The following ZRSR2 variants were observed in gnomAD, a reference collection of about 807,000 sequenced individuals.
The protein encoded by ZRSR2 is U2 small nuclear ribonucleoprotein auxiliary factor 35 kDa subunit-related protein 2.
Under a neutral mutation model 39.4 loss-of-function variants are expected in ZRSR2, and 3 were observed. The ratio of observed to expected loss-of-function variants is 0.08; its 90% confidence interval spans 0.03 to 0.20. The LOEUF is 0.20. Ranked by LOEUF, ZRSR2 falls within the 10% of genes least tolerant of loss-of-function variation. ZRSR2 has a pLI of 1.00. For synonymous variants in ZRSR2, 137 were observed against 136.0 expected (o/e 1.01, Z -0.05); for missense variants, 256 against 391.5 (o/e 0.65, Z 2.92).
chrX:15,795,799 T>G (rs979799449), intron 2 of ZRSR2, among the ~76,000 whole-genome samples: 5 of 111,534 alleles, frequency 4.5e-5, no homozygotes, highest in Non-Finnish European at 9.4e-5. Flanking sequence ...TGTGGTGTTT[T>G]TCTAGAATAG....
At chrX:15,806,390 C>G (rs111709560) in intron 5 of ZRSR2, among the ~76,000 whole-genome samples, 3,393 of 111,040 alleles carry the variant, frequency 0.031, 126 homozygotes, top group African/African-American at 0.1. Context: ...ATGACTCTGT[C>G]TCATTTATAT....
At chrX:15,799,134 C>A (rs1932577114) in intron 2 of ZRSR2, among the ~76,000 whole-genome samples, 1 of 104,711 alleles carries the variant, frequency 9.6e-6, no homozygotes, top group South Asian at 4.4e-4. Context: ...TGCAGTGAGC[C>A]AAGATCGCGC....
rs1183408316 is a variant in ZRSR2, at chrX:15,821,068, A to G, written c.937+752A>G. 4.5e-5 allele frequency among the ~76,000 whole-genome samples: 5 copies of G among 112,352 alleles called. No homozygotes were observed. The East Asian group carries it at 8.3e-4, about 19-fold the overall frequency. ...TGCTGTATACATGCCTGCCTAACGC[A>G]AAGTCAGAATCTTTGGCAAGCTTGT... On this transcript the variant is annotated intron_variant, in intron 10 of 10. Coordinates refer to ENST00000307771, the MANE Select transcript of ZRSR2 (RefSeq NM_005089.4).
At chrX:15,808,651 T>A (rs1243428220) in intron 6 of ZRSR2, among the ~76,000 whole-genome samples, 1 of 105,928 alleles carries the variant, frequency 9.4e-6, no homozygotes, top group Non-Finnish European at 1.9e-5. Context: ...GACGGAGTTT[T>A]GCTCTTGTTG....
chrX:15,819,843 C>G (rs1933060591), intron 9 of ZRSR2, among the ~76,000 whole-genome samples: 1 of 111,532 alleles, frequency 9.0e-6, no homozygotes, highest in African/African-American at 3.3e-5. Context: ...TTGCCTAGGC[C>G]ATACCATGGC....
rs781244088 is a variant in ZRSR2, at chrX:15,815,706, C to G, written c.587C>G (p.Ser196Cys). 8.3e-7 allele frequency: 1 copy of G among 1,205,319 alleles called. No homozygotes were observed. Among genetic ancestry groups the G allele is most frequent in the African/African-American group, 1.7e-5 (1 of 57,238 alleles). Residue 196 changes from serine to cysteine, a missense_variant, in exon 8 of 11, where the codon TCC becomes TGC. Coordinates refer to ENST00000307771, the MANE Select transcript of ZRSR2 (RefSeq NM_005089.4). ...RCSRKHNFPT[S>C]SPTLLIKSMF... ...TCACGTAAACATAATTTCCCAACAT[C>G]CAGTCCTACCCTTCTTATTAAGAGC...
intron 7 of ZRSR2, among the ~76,000 whole-genome samples, chrX:15,812,373 A>T (rs1932900628): frequency 8.9e-6 from 1 of 112,353 alleles, no homozygotes; most frequent in African/African-American, 3.2e-5. Flanking sequence ...AAAATCCAGC[A>T]CCATCCCTTT....
intron 8 of ZRSR2, among the ~76,000 whole-genome samples, chrX:15,816,686 T>A (rs1932983182): frequency 1.8e-5 from 2 of 111,089 alleles, no homozygotes; most frequent in African/African-American, 6.5e-5. Context: ...GCCTTTGTTA[T>A]GTTAAGGCAG....
At chrX:15,799,177 TC>T (rs1932579807) in intron 2 of ZRSR2, among the ~76,000 whole-genome samples, 1 of 69,166 alleles carries the variant, frequency 1.4e-5, no homozygotes, top group South Asian at 9.9e-4. Flanking sequence ...AGAGCAAGAC[TC>T]CCGTCTCAAA....
chrX:15,809,397 C>T (rs1932846658), intron 7 of ZRSR2, 79 bp downstream of exon 7: 7 of 707,345 alleles, frequency 9.9e-6, no homozygotes, highest in South Asian at 7.3e-5. Context: ...TTGGGAGAGG[C>T]GCATGTTTCC....
intron 8 of ZRSR2, among the ~76,000 whole-genome samples, 166 bp from the exon 9 acceptor site, chrX:15,818,421 G>A (rs1480790803): frequency 4.4e-5 from 5 of 112,606 alleles, no homozygotes; most frequent in African/African-American, 1.3e-4. Context: ...ACGCTGCCAT[G>A]TGCCAAGTAC....
intron 2 of ZRSR2, among the ~76,000 whole-genome samples, chrX:15,799,330 G>A (rs549304129): frequency 9.0e-6 from 1 of 110,855 alleles, no homozygotes; most frequent in South Asian, 3.7e-4. Context: ...TGTTTTTAAT[G>A]TCTTTGTCTA....
At position 15,793,922 on chromosome X, in the gene ZRSR2, G is replaced by A. The variant is rs187562943; in HGVS notation, c.121+2909G>A. On this transcript the variant is annotated intron_variant, in intron 2 of 10. Coordinates refer to ENST00000307771, the MANE Select transcript of ZRSR2 (RefSeq NM_005089.4). ...GAATGTTGAGTGTAACTATGAGAGT[G>A]CCTTGGCAAATGATTGGAGTGCCTT... 4.4e-5 allele frequency among the ~76,000 whole-genome samples: 5 copies of A among 112,561 alleles called. No individual in the cohort carries two copies. In the East Asian group the frequency reaches 1.1e-3, roughly 25 times the overall value.
chrX:15,816,987 C>T (rs1427323482), intron 8 of ZRSR2, among the ~76,000 whole-genome samples: 1 of 111,732 alleles, frequency 8.9e-6, no homozygotes. Context: ...CACACAATAC[C>T]ATGTTAGAAG....
At chrX:15,792,163 C>G (rs1169445386) in intron 2 of ZRSR2, among the ~76,000 whole-genome samples, 1 of 111,913 alleles carries the variant, frequency 8.9e-6, no homozygotes, top group Non-Finnish European at 1.9e-5. Context: ...TGGCTCATGC[C>G]TGAAATCCCA....
At chrX:15,792,655 G>C (rs1391274274) in intron 2 of ZRSR2, among the ~76,000 whole-genome samples, 2 of 111,403 alleles carry the variant, frequency 1.8e-5, no homozygotes, top group Non-Finnish European at 3.8e-5. Context: ...TTGTACAGAT[G>C]GTCATTTGAC....
chrX:15,809,441 T>A (rs764654917), intron 7 of ZRSR2, 123 bp downstream of exon 7: 30 of 504,781 alleles, frequency 5.9e-5, no homozygotes, highest in Admixed American at 1.6e-4. Flanking sequence ...ATCTGCTGCC[T>A]TCTTGCTGCT....
chrX:15,791,086 A>G, intron 2 of ZRSR2, 73 bp downstream of exon 2: 1 of 953,778 alleles, frequency 1.0e-6, no homozygotes, highest in Non-Finnish European at 1.5e-6. Context: ...TTGAAGCCCC[A>G]GTGTCAGAAG....
intron 10 of ZRSR2, among the ~76,000 whole-genome samples, chrX:15,821,825 C>G (rs1933113641): frequency 9.0e-6 from 1 of 110,732 alleles, no homozygotes; most frequent in African/African-American, 3.3e-5. Flanking sequence ...GAATTTACTG[C>G]TTTTAAAAAA....
Sources: gnomAD v4.1 joint callset for allele counts (sites outside exome capture counted in the v4.1 genomes callset) on GRCh38, gnomAD v4.1.1 for gene constraint, MANE v1.5 for transcripts, NCBI Gene and HGNC (gene_info 2026-07-23, HGNC 2026-07-21) for gene names.